Variants in ELMO1 observed in about 807,000 individuals in gnomAD.
The protein encoded by ELMO1 is engulfment and cell motility 1, also known as engulfment and cell motility protein 1.
ELMO1 carries 26 observed loss-of-function variants against 98.9 expected under a neutral mutation model. That is an observed-to-expected ratio of 0.26 (90% confidence interval 0.19 to 0.36). ELMO1 has a LOEUF of 0.36. Ranked by LOEUF, ELMO1 falls within the 10% of genes least tolerant of loss-of-function variation. ELMO1 has a pLI of 1.00. For synonymous variants in ELMO1, 346 were observed against 346.0 expected (o/e 1.00, Z 0.00); for missense variants, 627 against 935.2 (o/e 0.67, Z 4.30).
intron 16 of ELMO1, among the ~76,000 whole-genome samples, chr7:36,940,669 A>G (rs1231036340): frequency 2.0e-5 from 3 of 152,254 alleles, no homozygotes; most frequent in Non-Finnish European, 4.4e-5. Flanking sequence ...TTCATGAAAT[A>G]TTAGTTAATT....
At chr7:37,430,634 T>C (rs1314736231) in intron 1 of ELMO1, among the ~76,000 whole-genome samples, 1 of 152,224 alleles carries the variant, frequency 6.6e-6, no homozygotes, top group Non-Finnish European at 1.5e-5. Flanking sequence ...CCTAATTCCA[T>C]CCCTTTCAAC....
At chr7:37,212,129 G>A (rs1793011725) in intron 12 of ELMO1, among the ~76,000 whole-genome samples, 1 of 152,170 alleles carries the variant, frequency 6.6e-6, no homozygotes, top group Non-Finnish European at 1.5e-5. Flanking sequence ...ACCAGACACA[G>A]AAATATGCAT....
At chr7:37,115,497 G>A (rs1419280396) in intron 14 of ELMO1, among the ~76,000 whole-genome samples, 1 of 152,038 alleles carries the variant, frequency 6.6e-6, no homozygotes, top group African/African-American at 2.4e-5. Context: ...AAGAAAAGTT[G>A]TATAATGGTA....
intron 16 of ELMO1, among the ~76,000 whole-genome samples, chr7:36,976,088 C>T (rs1213850668): frequency 2.0e-5 from 3 of 152,124 alleles, no homozygotes; most frequent in Non-Finnish European, 4.4e-5. Context: ...CTTAACTGTG[C>T]CACTGTAGTA....
At chr7:36,981,086 T>TC (rs1193772779) in intron 16 of ELMO1, among the ~76,000 whole-genome samples, 1 of 150,904 alleles carries the variant, frequency 6.6e-6, no homozygotes, top group Non-Finnish European at 1.5e-5. Flanking sequence ...ATTTTTTTTT[T>TC]CTTACTGTTT....
In ELMO1 at chr7:37,114,252, G is replaced by A. The variant is rs111342520; in HGVS notation, c.1192-17525C>T. ...AAAAGATGAGCAAGTGTGGGAGCAG[G>A]CAATATCAATCAGAGGCTGTTACAC... On this transcript the variant is annotated intron_variant, in intron 14 of 21. Transcript: ENST00000310758. 6.6e-3 allele frequency among the ~76,000 whole-genome samples: 1,010 copies of A among 152,302 alleles called. 10 individuals carry two copies. Among genetic ancestry groups the A allele is most frequent in the African/African-American group, 0.023 (957 of 41,554 alleles).
chr7:37,283,416 T>C (rs1245389646), intron 4 of ELMO1, among the ~76,000 whole-genome samples: 1 of 152,250 alleles, frequency 6.6e-6, no homozygotes, highest in Non-Finnish European at 1.5e-5. Context: ...ACTTTTTGCC[T>C]GGTGTCTAGG....
chr7:37,155,882 CACG>C (rs1788727658), intron 13 of ELMO1, among the ~76,000 whole-genome samples: 3 of 152,170 alleles, frequency 2.0e-5, no homozygotes, highest in Admixed American at 2.0e-4. Context: ...TTCTTCTCAG[CACG>C]ACATCGCACT....
rs138214231 is a variant in ELMO1, at chr7:37,082,902, A to G, written c.1300+13717T>C. ...GTGGGCATTTCCATAATTCTCTTGT[A>G]CAAAATGGAATAGTCAGTTCAGGTT... On this transcript the variant is annotated intron_variant, in intron 15 of 21. Coordinates refer to ENST00000310758, the MANE Select transcript of ELMO1 (RefSeq NM_014800.11). Among the ~76,000 whole-genome samples, 16 of 152,330 alleles carry G rather than the reference A, an allele frequency of 1.1e-4. No homozygotes were observed. In the East Asian group the frequency reaches 3.1e-3, roughly 29 times the overall value.
At chr7:37,344,821 T>C (rs1800916033) in intron 1 of ELMO1, among the ~76,000 whole-genome samples, 1 of 152,252 alleles carries the variant, frequency 6.6e-6, no homozygotes, top group Non-Finnish European at 1.5e-5. Flanking sequence ...CGCTCCCTTT[T>C]TGTGAACAGT....
intron 13 of ELMO1, among the ~76,000 whole-genome samples, chr7:37,167,537 G>T (rs1350604997): frequency 1.3e-5 from 2 of 150,056 alleles, no homozygotes; most frequent in Non-Finnish European, 3.0e-5. Flanking sequence ...AGGCCTGGTG[G>T]TGACAAAATC....
In ELMO1 at chr7:37,185,571, T is replaced by C. The variant is rs73123172; in HGVS notation, c.1086+25815A>G. ...GCACTGTATATATATACATACCATA[T>C]ATATAACGTGGAAGGACCACATAAC... On this transcript the variant is annotated intron_variant, in intron 13 of 21. Transcript: ENST00000310758. Among the ~76,000 whole-genome samples, 1,165 of 152,244 alleles carry C rather than the reference T, an allele frequency of 7.7e-3. 10 individuals are homozygous for C. The highest frequency in any genetic ancestry group is 0.012 in the Non-Finnish European group (803 of 68,018).
At chr7:37,095,474 A>C (rs1784321429) in intron 15 of ELMO1, among the ~76,000 whole-genome samples, 1 of 152,228 alleles carries the variant, frequency 6.6e-6, no homozygotes, top group Admixed American at 6.5e-5. Flanking sequence ...AAACCAGAGT[A>C]GGTGAATGCA....
rs549300633 is a variant in ELMO1 at position 37,065,259 on chromosome 7, G to A, written c.1300+31360C>T. 2.5e-4 allele frequency among the ~76,000 whole-genome samples: 37 copies of A among 150,950 alleles called. 2 individuals are homozygous for A. The South Asian group carries it at 7.6e-3, about 31-fold the overall frequency. On this transcript the variant is annotated intron_variant, in intron 15 of 21. Coordinates refer to ENST00000310758, the MANE Select transcript of ELMO1 (RefSeq NM_014800.11). The stretch of plus-strand genomic sequence containing the variant: ...GAACTTCTGGGCTCAAGGGATCCTC[G>A]CACCTCAGCCTCTCAAGTAGCTGGG...
chr7:36,924,752 C>T (rs1348212838), intron 16 of ELMO1, among the ~76,000 whole-genome samples: 3 of 152,022 alleles, frequency 2.0e-5, no homozygotes, highest in African/African-American at 7.3e-5. Context: ...GGAACAGCAC[C>T]CCCATGGTGG....
chr7:37,375,891 C>G (rs1802319746), intron 1 of ELMO1: 2 of 678,838 alleles, frequency 2.9e-6, no homozygotes, highest in East Asian at 5.5e-5. Context: ...GGGAAGCCAA[C>G]AGAGATACGT....
intron 18 of ELMO1, among the ~76,000 whole-genome samples, chr7:36,887,338 A>C (rs1805105057): frequency 6.6e-6 from 1 of 152,220 alleles, no homozygotes; most frequent in East Asian, 1.9e-4. Context: ...GTGGCACTAA[A>C]TAGCAAAGAA....
intron 16 of ELMO1, among the ~76,000 whole-genome samples, chr7:36,902,444 T>C (rs574388780): frequency 3.3e-5 from 5 of 152,324 alleles, no homozygotes; most frequent in Admixed American, 6.5e-5. Flanking sequence ...GTGCTTAATG[T>C]GGGCAGTGAG....
At chr7:37,400,016 T>C (rs1583689485) in intron 1 of ELMO1, among the ~76,000 whole-genome samples, 1 of 152,190 alleles carries the variant, frequency 6.6e-6, no homozygotes, top group South Asian at 2.1e-4. Context: ...TAGTGACAAA[T>C]GTACAAGCTT....
Sources: allele counts gnomAD v4.1 joint callset (sites outside exome capture counted in the v4.1 genomes callset), GRCh38; gene constraint gnomAD v4.1.1; transcripts MANE v1.5; gene names NCBI Gene and HGNC (gene_info 2026-07-23, HGNC 2026-07-21).